Variants in VAT1L observed in about 807,000 individuals in gnomAD.
VAT1L encodes the protein putative NADPH-dependent quinone oxidoreductase VAT1L.
A neutral mutation model predicts 44.1 loss-of-function variants in VAT1L; 34 were observed. That is an observed-to-expected ratio of 0.77 (90% CI 0.59 to 1.03). The LOEUF is 1.03. Ranked by LOEUF, VAT1L falls within the 50% of genes least tolerant of loss-of-function variation. The pLI is 0.00. For synonymous variants in VAT1L, 253 were observed against 202.2 expected, an observed-to-expected ratio of 1.25 and a Z score of -2.13; for missense variants, 615 against 538.8, an observed-to-expected ratio of 1.14 and a Z score of -1.40.
At chr16:77,907,519 C>T (rs986488429) in intron 7 of VAT1L, among the ~76,000 whole-genome samples, 4 of 152,170 alleles carry the variant, frequency 2.6e-5, no homozygotes, top group African/African-American at 7.2e-5. Flanking sequence ...CTGTATAATC[C>T]TTTTGGTCTC....
chr16:77,870,579 C>A (rs565181077), intron 4 of VAT1L, among the ~76,000 whole-genome samples: 1 of 152,300 alleles, frequency 6.6e-6, no homozygotes, highest in East Asian at 1.9e-4. Context: ...ACAGGAAGGA[C>A]AGACATGAAG....
chr16:77,925,823 A>G (rs2017660495), intron 7 of VAT1L, among the ~76,000 whole-genome samples: 1 of 149,794 alleles, frequency 6.7e-6, no homozygotes, highest in African/African-American at 2.5e-5. Context: ...CAGAAGCAGC[A>G]TCTTCCTTTA....
chr16:77,790,679 G>A lies in VAT1L; in HGVS notation c.233+1764G>A, dbSNP rs187432711. Among the ~76,000 whole-genome samples, 36 of 152,156 alleles carry A rather than the reference G, an allele frequency of 2.4e-4. No individual in the cohort carries two copies. In the East Asian group the frequency reaches 3.1e-3, roughly 13 times the overall value. ...TATATATACAGTTGCATATGTATGC[G>A]TATGTAATTTATGACCCTTCATCCA... On this transcript the variant is annotated intron_variant, in intron 1 of 8. Transcript: ENST00000302536.
chr16:77,853,898 TG>T (rs2016831198), intron 3 of VAT1L, among the ~76,000 whole-genome samples: 1 of 152,076 alleles, frequency 6.6e-6, no homozygotes, highest in South Asian at 2.1e-4. Flanking sequence ...CCTAGCACTT[TG>T]GGAGGCCAAG....
chr16:77,866,012 C>T (rs560326732), intron 4 of VAT1L, among the ~76,000 whole-genome samples: 1 of 152,306 alleles, frequency 6.6e-6, no homozygotes, highest in East Asian at 1.9e-4. Flanking sequence ...TCACCCTCAC[C>T]TTCCTTCAAA....
intron 3 of VAT1L, among the ~76,000 whole-genome samples, chr16:77,831,886 G>A (rs1210743881): frequency 1.3e-5 from 2 of 151,922 alleles, no homozygotes; most frequent in African/African-American, 4.8e-5. Flanking sequence ...CTTGATCTCG[G>A]CTCACTGCAA....
chr16:77,963,168 C>A (rs2018182047), intron 7 of VAT1L, among the ~76,000 whole-genome samples: 1 of 152,168 alleles, frequency 6.6e-6, no homozygotes, highest in African/African-American at 2.4e-5. Context: ...TAATACCACG[C>A]AAACGTGCCC....
chr16:77,793,561 G>C (rs2015874063), intron 1 of VAT1L, among the ~76,000 whole-genome samples: 1 of 152,166 alleles, frequency 6.6e-6, no homozygotes, highest in Admixed American at 6.5e-5. Flanking sequence ...AGGGTCTCCA[G>C]GTTGGGCTGC....
At chr16:77,937,173 G>A (rs570933622) in intron 7 of VAT1L, among the ~76,000 whole-genome samples, 3 of 152,242 alleles carry the variant, frequency 2.0e-5, no homozygotes, top group South Asian at 2.1e-4. Context: ...GAGCCACCGC[G>A]TCCTGCCCAA....
chr16:77,818,723 C>A (rs1483959251), intron 2 of VAT1L, among the ~76,000 whole-genome samples: 1 of 152,168 alleles, frequency 6.6e-6, no homozygotes, highest in Non-Finnish European at 1.5e-5. Context: ...TACTATCAAG[C>A]CCACCCATTA....
intron 7 of VAT1L, among the ~76,000 whole-genome samples, chr16:77,924,025 A>G (rs1386680360): frequency 6.6e-6 from 1 of 151,926 alleles, no homozygotes; most frequent in African/African-American, 2.4e-5. Context: ...AAGAAGTTGC[A>G]TCCCCACTGG....
At chr16:77,880,551 GC>G (rs1409544908) in intron 6 of VAT1L, among the ~76,000 whole-genome samples, 4 of 131,460 alleles carry the variant, frequency 3.0e-5, no homozygotes, top group Non-Finnish European at 6.4e-5. Context: ...ACCAGCACCA[GC>G]CCATGTTGCT....
intron 3 of VAT1L, among the ~76,000 whole-genome samples, chr16:77,841,129 A>T (rs2016700104): frequency 6.6e-6 from 1 of 152,172 alleles, no homozygotes; most frequent in Non-Finnish European, 1.5e-5. Flanking sequence ...TGCCTGGACT[A>T]GAGTGCAGTA....
chr16:77,884,489 A>G lies in VAT1L; in HGVS notation c.883-119A>G. 1 of 901,772 alleles carries G rather than the reference A, an allele frequency of 1.1e-6. No homozygotes were observed. The highest frequency in any genetic ancestry group is 2.0e-5 in the South Asian group (1 of 49,044). The allele number at this position is 901,772 out of a possible 1,614,324, so 55.9% of individuals were successfully genotyped here. A position where few individuals can be genotyped will look rare whatever the true frequency, so the allele number is the denominator to read the frequency against. ...AAGAGCAACCCCTTGGCCAGCTGGA[A>G]TCTGCTGAGCTGCAGCCCCACGTTC... On this transcript the variant is annotated intron_variant, in intron 6 of 8. Transcript: ENST00000302536. This position sits in a 1 kb window ranked among gnomAD's most constrained non-coding sequence, Gnocchi z 4.5.
intron 7 of VAT1L, among the ~76,000 whole-genome samples, chr16:77,919,144 G>A (rs1210933458): frequency 6.6e-6 from 1 of 152,046 alleles, no homozygotes; most frequent in Non-Finnish European, 1.5e-5. Context: ...GTGCATGTGT[G>A]TGCATGCATG....
At chr16:77,938,407 T>C (rs1192198613) in intron 7 of VAT1L, among the ~76,000 whole-genome samples, 1 of 152,220 alleles carries the variant, frequency 6.6e-6, no homozygotes, top group Non-Finnish European at 1.5e-5. Context: ...TGGGTGACAT[T>C]GTTTAAATAT....
chr16:77,969,171 C>T (rs1025014425), intron 7 of VAT1L, among the ~76,000 whole-genome samples: 16 of 152,152 alleles, frequency 1.1e-4, no homozygotes, highest in Non-Finnish European at 2.2e-4. Context: ...CTCAAGATAT[C>T]GAGATATTGT....
intron 7 of VAT1L, among the ~76,000 whole-genome samples, chr16:77,950,091 G>A (rs2018023218): frequency 6.6e-6 from 1 of 152,180 alleles, no homozygotes; most frequent in South Asian, 2.1e-4. Flanking sequence ...ATGAACATGT[G>A]CTCATTGTGT....
chr16:77,847,734 G>A (rs2016771380), intron 3 of VAT1L, among the ~76,000 whole-genome samples: 1 of 152,186 alleles, frequency 6.6e-6, no homozygotes, highest in Non-Finnish European at 1.5e-5. Context: ...CCAAGTGTCA[G>A]TGACAGTAAG....
Sources: gnomAD v4.1 joint callset for allele counts (sites outside exome capture counted in the v4.1 genomes callset) on GRCh38, gnomAD v4.1.1 for gene constraint, Gnocchi (gnomAD v3.1) non-coding constraint, MANE v1.5 for transcripts, NCBI Gene and HGNC (gene_info 2026-07-23, HGNC 2026-07-21) for gene names.